Variants in PLS3 observed in about 807,000 individuals in gnomAD.
PLS3 encodes the protein plastin-3.
Under a neutral mutation model 46.5 loss-of-function variants are expected in PLS3, and 11 were observed. That is an observed-to-expected ratio of 0.24 (90% confidence interval 0.15 to 0.39). PLS3 has a LOEUF of 0.39. Ranked by LOEUF, PLS3 falls within the 10% of genes least tolerant of loss-of-function variation. The probability of loss-of-function intolerance (pLI) is 1.00; values close to 1 mark genes in which losing one functional copy is unlikely to be tolerated. For missense variants in PLS3, 308 were observed against 461.8 expected, an observed-to-expected ratio of 0.67 and a Z score of 3.05; for synonymous variants, 167 against 162.2, an observed-to-expected ratio of 1.03 and a Z score of -0.22.
At chrX:115,587,374 C>T (rs1459207825) in intron 1 of PLS3, among the ~76,000 whole-genome samples, 5 of 111,993 alleles carry the variant, frequency 4.5e-5, no homozygotes, top group African/African-American at 9.7e-5. Flanking sequence ...GGATATATGA[C>T]GATCGTCTTG....
At chrX:115,582,467 A>G (rs371316960) in intron 1 of PLS3, among the ~76,000 whole-genome samples, 17 of 112,462 alleles carry the variant, frequency 1.5e-4, no homozygotes, top group South Asian at 1.1e-3. Flanking sequence ...TATGGATTCA[A>G]TTCCCTCCTC....
Position 115,637,025 on chromosome X carries a change from GA to G in PLS3, c.891+49del, listed in dbSNP as rs782589118. On this transcript the variant is annotated intron_variant, in intron 8 of 15. Transcript: ENST00000355899. ...ACATTTTGGGGGGATATAATAGCTG[GA>G]AGATTTCATCCCAGCTTAACAGAGA... 7.1e-6 allele frequency: 8 copies of G among 1,121,415 alleles called. No homozygotes were observed. The East Asian group carries it at 2.4e-4, about 34-fold the overall frequency. The allele number at this position is 1,121,415 out of a possible 1,213,427, so 92.4% of individuals were successfully genotyped here. A position where few individuals can be genotyped will look rare whatever the true frequency, so the allele number is the denominator to read the frequency against.
chrX:115,633,872 AT>A, intron 5 of PLS3, 127 bp from the exon 6 acceptor site: 1 of 476,895 alleles, frequency 2.1e-6, no homozygotes, highest in South Asian at 3.1e-5. Context: ...ATCTAGCTGC[AT>A]TTTTTAGAGT....
At chrX:115,635,678 GAA>G (rs1327055357) in intron 7 of PLS3, among the ~76,000 whole-genome samples, 154 of 100,369 alleles carry the variant, frequency 1.5e-3, no homozygotes, top group Middle Eastern at 5.2e-3. Flanking sequence ...AAGAAAGAAA[GAA>G]AAAAAAAGAG....
intron 7 of PLS3, 43 bp downstream of exon 7, chrX:115,635,089 T>C: frequency 9.0e-7 from 1 of 1,111,536 alleles, no homozygotes; most frequent in Non-Finnish European, 1.2e-6. Flanking sequence ...ATTGGTTATT[T>C]TTTTCTAGTC....
At chrX:115,562,007 G>C (rs782465692) in intron 1 of PLS3, among the ~76,000 whole-genome samples, 2 of 110,697 alleles carry the variant, frequency 1.8e-5, no homozygotes, top group African/African-American at 3.3e-5. Flanking sequence ...CACACCCCCT[G>C]TCCTTTTTTC....
At chrX:115,575,493 G>A (rs1260610880) in intron 1 of PLS3, among the ~76,000 whole-genome samples, 1 of 111,863 alleles carries the variant, frequency 8.9e-6, no homozygotes, top group Non-Finnish European at 1.9e-5. Flanking sequence ...GCCCAGGCTG[G>A]AGTGCAGTGG....
intron 5 of PLS3, among the ~76,000 whole-genome samples, chrX:115,630,498 C>T (rs910596566): frequency 1.8e-5 from 2 of 108,636 alleles, no homozygotes; most frequent in African/African-American, 6.7e-5. Flanking sequence ...CTATTCAGTC[C>T]TGCCACTCTG....
intron 9 of PLS3, 65 bp from the exon 10 acceptor site, chrX:115,643,248 A>C: frequency 1.5e-6 from 1 of 677,761 alleles, no homozygotes. Context: ...AGACTATGAC[A>C]GTGGGGAAAT....
At chrX:115,579,141 A>C (rs1556631556) in intron 1 of PLS3, among the ~76,000 whole-genome samples, 3 of 112,301 alleles carry the variant, frequency 2.7e-5, no homozygotes, top group African/African-American at 9.7e-5. Context: ...TAAAAATATT[A>C]TATAAATGGA....
At position 115,622,380 on chromosome X, in the gene PLS3, G is replaced by A; in HGVS notation, c.208G>A (p.Gly70Arg). 1 of 1,187,431 alleles carries A rather than the reference G, an allele frequency of 8.4e-7. No homozygotes were observed. Among genetic ancestry groups the A allele is most frequent in the Non-Finnish European group, 1.1e-6 (1 of 879,207 alleles). Residue 70 changes from glycine to arginine, a missense_variant, in exon 3 of 16, where the codon GGG becomes AGG. Physicochemically the swap from Gly to Arg is moderately radical, Grantham distance 125. Coordinates refer to ENST00000355899, the MANE Select transcript of PLS3 (RefSeq NM_005032.7). Reference protein sequence around the residue: ...LMLDGDRNKDGKISFDEFVYI... With the variant: ...LMLDGDRNKDRKISFDEFVYI... ...GCTGGATGGTGACAGGAATAAAGATGGGAAAATAAGTTTTGACGAATTTGT... is the reference window on the plus strand; with the variant it reads ...GCTGGATGGTGACAGGAATAAAGATAGGAAAATAAGTTTTGACGAATTTGT...
chrX:115,615,283 A>C (rs1556636623), intron 2 of PLS3, among the ~76,000 whole-genome samples: 1 of 111,093 alleles, frequency 9.0e-6, no homozygotes, highest in Non-Finnish European at 1.9e-5. Flanking sequence ...AAGGGGAGGG[A>C]AAACATTTCC....
At position 115,585,845 on chromosome X, in the gene PLS3, C is replaced by T. The variant is rs1375525819; in HGVS notation, c.-8-24398C>T. 6.3e-5 allele frequency among the ~76,000 whole-genome samples: 7 copies of T among 111,032 alleles called. No individual in the cohort carries two copies. The Admixed American group carries it at 6.8e-4, about 11-fold the overall frequency. ...TAAAATAATCCGCATATTGTTTTAC[C>T]GATAAATACTATAGTATACTTCTTA... On this transcript the variant is annotated intron_variant, in intron 1 of 15. Coordinates refer to ENST00000355899, the MANE Select transcript of PLS3 (RefSeq NM_005032.7).
At chrX:115,641,347 C>A in intron 9 of PLS3, among the ~76,000 whole-genome samples, 1 of 106,215 alleles carries the variant, frequency 9.4e-6, no homozygotes, top group South Asian at 4.4e-4. Flanking sequence ...CCTGCCTCAG[C>A]CTCCCGAGTA....
At chrX:115,635,413 G>T (rs782228661) in intron 7 of PLS3, among the ~76,000 whole-genome samples, 4 of 109,524 alleles carry the variant, frequency 3.7e-5, no homozygotes, top group Admixed American at 9.9e-5. Context: ...TGGAGACAGG[G>T]TCTCACTCTG....
chrX:115,569,035 CAAAAAAAA>C (rs782042707), intron 1 of PLS3, among the ~76,000 whole-genome samples: 5 of 94,265 alleles, frequency 5.3e-5, no homozygotes, highest in African/African-American at 1.3e-4. Context: ...GACTCCGTTT[CAAAAAAAA>C]AAAAAAAAAA....
chrX:115,598,262 C>T (rs1158800399), intron 1 of PLS3, among the ~76,000 whole-genome samples: 1 of 104,260 alleles, frequency 9.6e-6, no homozygotes, highest in Non-Finnish European at 2.0e-5. Context: ...CACTGCACTC[C>T]AGCCTGGGCG....
chrX:115,642,510 T>A (rs1392606804), intron 9 of PLS3, among the ~76,000 whole-genome samples: 1 of 111,282 alleles, frequency 9.0e-6, no homozygotes, highest in Non-Finnish European at 1.9e-5. Context: ...CCTCTCTCTC[T>A]AGCTCGCTCT....
At chrX:115,587,413 T>G (rs888723138) in intron 1 of PLS3, among the ~76,000 whole-genome samples, 4 of 112,100 alleles carry the variant, frequency 3.6e-5, no homozygotes, top group African/African-American at 1.3e-4. Context: ...GCTGTTTGAG[T>G]TGTGAGCTAA....
Sources: gnomAD v4.1 joint callset for allele counts (sites outside exome capture counted in the v4.1 genomes callset) on GRCh38, gnomAD v4.1.1 for gene constraint, MANE v1.5 for transcripts, NCBI Gene and HGNC (gene_info 2026-07-23, HGNC 2026-07-21) for gene names.